STK38: variants seen among roughly 807,000 people sequenced by gnomAD.
STK38 encodes the protein serine/threonine-protein kinase 38.
STK38 carries 26 observed loss-of-function variants against 59.0 expected under a neutral mutation model. That is an observed-to-expected ratio of 0.44 (90% CI 0.32 to 0.61). The LOEUF (loss-of-function observed/expected upper bound fraction) is 0.61, where lower values mean the gene tolerates loss of function less well. Ranked by LOEUF, STK38 falls within the 20% of genes least tolerant of loss-of-function variation. The probability of loss-of-function intolerance (pLI) is 0.04; values close to 1 mark genes in which losing one functional copy is unlikely to be tolerated. For missense variants in STK38, 433 were observed against 566.0 expected, an observed-to-expected ratio of 0.76 and a Z score of 2.38; for synonymous variants, 175 against 176.6, an observed-to-expected ratio of 0.99 and a Z score of 0.07.
intron 9 of STK38, among the ~76,000 whole-genome samples, chr6:36,500,758 CAAAAAAAAAA>C (rs753008721): frequency 8.6e-5 from 5 of 58,434 alleles, no homozygotes; most frequent in Non-Finnish European, 1.7e-4. Context: ...GACTCTGTCT[CAAAAAAAAAA>C]AAAAAAAAAA....
At chr6:36,517,206 T>C (rs1777277557) in intron 6 of STK38, among the ~76,000 whole-genome samples, 1 of 152,152 alleles carries the variant, frequency 6.6e-6, no homozygotes, top group African/African-American at 2.4e-5. Flanking sequence ...TGTTCTGGGT[T>C]TACTTTGGAG....
chr6:36,524,309 T>C, intron 4 of STK38, 32 bp downstream of exon 4: 1 of 1,589,924 alleles, frequency 6.3e-7, no homozygotes, highest in Non-Finnish European at 8.5e-7. Context: ...TTTGCAATAT[T>C]TTTCTACTTG....
intron 5 of STK38, among the ~76,000 whole-genome samples, chr6:36,518,825 A>C (rs1380128654): frequency 6.6e-6 from 1 of 152,236 alleles, no homozygotes; most frequent in Non-Finnish European, 1.5e-5. Flanking sequence ...TGGTCTTAAC[A>C]TATGCTACAG....
chr6:36,543,982 T>C (rs567390691), intron 1 of STK38, among the ~76,000 whole-genome samples: 36 of 152,266 alleles, frequency 2.4e-4, no homozygotes, highest in African/African-American at 8.7e-4. Context: ...TTTCAGGTTT[T>C]CCCCCTTAAT....
In STK38 at chr6:36,497,994, C is replaced by T. The variant is rs1582400210; in HGVS notation, c.1077-119G>A. On this transcript the variant is annotated intron_variant, in intron 11 of 13. Transcript: ENST00000229812. ...TCACTCTGTCACCCAGGCTGGAGTGCAGTAGCACAATCATGGCTCACTGCA... is the reference window on the plus strand; with the variant it reads ...TCACTCTGTCACCCAGGCTGGAGTGTAGTAGCACAATCATGGCTCACTGCA... 5 of 684,244 alleles carry T rather than the reference C, an allele frequency of 7.3e-6. No homozygotes were observed. In the Middle Eastern group the frequency reaches 7.8e-4, roughly 107 times the overall value. The allele number at this position is 684,244 out of a possible 1,614,324, so 42.4% of individuals were successfully genotyped here. A position where few individuals can be genotyped will look rare whatever the true frequency, so the allele number is the denominator to read the frequency against.
At chr6:36,512,824 C>A (rs1777145956) in intron 7 of STK38, among the ~76,000 whole-genome samples, 1 of 151,910 alleles carries the variant, frequency 6.6e-6, no homozygotes, top group Non-Finnish European at 1.5e-5. Context: ...CCACACCCAG[C>A]TAATTTTTTA....
At chr6:36,497,913 G>A (rs1305034958) in intron 11 of STK38, 38 bp from the exon 12 acceptor site, 3 of 1,315,136 alleles carry the variant, frequency 2.3e-6, no homozygotes, top group Non-Finnish European at 3.2e-6. Context: ...ATCTCAAGCA[G>A]TCTCCTCAGA....
intron 2 of STK38, among the ~76,000 whole-genome samples, chr6:36,529,829 C>CATTAGAAA (rs1777623836): frequency 6.6e-6 from 1 of 152,136 alleles, no homozygotes; most frequent in African/African-American, 2.4e-5. Context: ...ATTTAGGGTC[C>CATTAGAAA]CCTCTTGGCA....
intron 9 of STK38, 92 bp downstream of exon 9, chr6:36,506,491 C>A (rs1016178205): frequency 4.0e-5 from 54 of 1,355,930 alleles, no homozygotes; most frequent in South Asian, 1.7e-4. Context: ...GGATATGTTG[C>A]AAATATTTGT....
chr6:36,503,429 A>AGTGTGT (rs147635090), intron 9 of STK38, among the ~76,000 whole-genome samples: 106 of 143,338 alleles, frequency 7.4e-4, no homozygotes, highest in African/African-American at 2.9e-3. Context: ...CATATAGCTA[A>AGTGTGT]GTGTGTGTGT....
intron 2 of STK38, among the ~76,000 whole-genome samples, chr6:36,535,176 G>T (rs1328407245): frequency 1.3e-5 from 2 of 152,212 alleles, no homozygotes; most frequent in African/African-American, 2.4e-5. Context: ...CATGGGCCAG[G>T]TGCAGTAGCT....
intron 2 of STK38, among the ~76,000 whole-genome samples, chr6:36,532,743 AC>A (rs1363952308): frequency 1.3e-5 from 2 of 152,132 alleles, no homozygotes; most frequent in Non-Finnish European, 2.9e-5. Context: ...TACTAAAAAT[AC>A]AAAAATTAGC....
At chr6:36,543,076 T>C (rs919868202) in intron 1 of STK38, among the ~76,000 whole-genome samples, 18 of 152,262 alleles carry the variant, frequency 1.2e-4, no homozygotes, top group African/African-American at 4.1e-4. Context: ...TCAATTTTTT[T>C]TTTTTTGAGA....
rs572991303 is a variant in STK38 at position 36,514,868 on chromosome 6, A to G, written c.669+470T>C. Among the ~76,000 whole-genome samples the G allele has an allele frequency of 5.8e-4, 86 of 149,026 alleles. 2 individuals are homozygous for G. The South Asian group carries it at 0.013, about 23-fold the overall frequency. On this transcript the variant is annotated intron_variant, in intron 7 of 13. Transcript: ENST00000229812. ...CATCTCAAAAAAAAAAAAAAAAAAAAGAGGCTGGGCAGGACTCTTCTTTAA... is the reference window on the plus strand; with the variant it reads ...CATCTCAAAAAAAAAAAAAAAAAAAGGAGGCTGGGCAGGACTCTTCTTTAA...
chr6:36,543,510 TG>T (rs1251138664), intron 1 of STK38, among the ~76,000 whole-genome samples: 7 of 151,620 alleles, frequency 4.6e-5, no homozygotes, highest in Admixed American at 6.6e-5. Context: ...TTTGGGAGGG[TG>T]AGGTAGAGAG....
chr6:36,509,612 G>A (rs1777055718), intron 7 of STK38, among the ~76,000 whole-genome samples: 3 of 151,138 alleles, frequency 2.0e-5, no homozygotes, highest in Non-Finnish European at 4.4e-5. Context: ...CGGAGATGAG[G>A]TGGGGGTGGG....
chr6:36,495,992 A>T (rs1582397243), intron 13 of STK38, 78 bp from the exon 14 acceptor site: 1 of 1,494,416 alleles, frequency 6.7e-7, no homozygotes, highest in Admixed American at 1.8e-5. Flanking sequence ...AGACAGGACT[A>T]TGAAGAACAC....
chr6:36,509,090 T>C (rs1427851347), intron 7 of STK38, among the ~76,000 whole-genome samples: 5 of 152,246 alleles, frequency 3.3e-5, no homozygotes, highest in Non-Finnish European at 5.9e-5. Flanking sequence ...AAGGGAGACA[T>C]ATTTCAGCCC....
intron 7 of STK38, 27 bp from the exon 8 acceptor site, chr6:36,507,629 T>C (rs1248559850): frequency 1.9e-6 from 3 of 1,541,024 alleles, no homozygotes; most frequent in East Asian, 4.5e-5. Flanking sequence ...AGGTGATAGA[T>C]GGATGAGTAT....
Sources: gnomAD v4.1 joint callset for allele counts (sites outside exome capture counted in the v4.1 genomes callset) on GRCh38, gnomAD v4.1.1 for gene constraint, MANE v1.5 for transcripts, NCBI Gene and HGNC (gene_info 2026-07-23, HGNC 2026-07-21) for gene names.